The following KIAA1328 variants were observed in gnomAD, a reference collection of about 807,000 sequenced individuals.
KIAA1328 encodes the protein KIAA1328, also known as protein hinderin.
A neutral mutation model predicts 68.1 loss-of-function variants in KIAA1328; 52 were observed. The ratio of observed to expected loss-of-function variants is 0.76; its 90% CI spans 0.61 to 0.96. The LOEUF is 0.96. KIAA1328 is among the 40% of genes least tolerant of loss of function. The pLI is 0.00. For missense variants in KIAA1328, 641 were observed against 677.6 expected, an observed-to-expected ratio of 0.95 and a Z score of 0.60; for synonymous variants, 232 against 239.4, an observed-to-expected ratio of 0.97 and a Z score of 0.28.
chr18:37,155,766 G>C (rs1349175623), intron 7 of KIAA1328, among the ~76,000 whole-genome samples: 1 of 152,166 alleles, frequency 6.6e-6, no homozygotes, highest in South Asian at 2.1e-4. Context: ...GACCTGCCCT[G>C]TCTTACCTGC....
intron 6 of KIAA1328, among the ~76,000 whole-genome samples, chr18:37,056,401 C>T (rs575159026): frequency 6.6e-5 from 10 of 151,640 alleles, no homozygotes; most frequent in African/African-American, 2.4e-4. Flanking sequence ...GTATCCAAAC[C>T]AAGTCTCTCA....
intron 7 of KIAA1328, among the ~76,000 whole-genome samples, chr18:37,105,916 C>CAAAAAAAAAAAAAAAAAAAAAAAAAAAAA (rs58940699): frequency 5.1e-5 from 1 of 19,502 alleles, no homozygotes; most frequent in African/African-American, 1.2e-4. Flanking sequence ...GACTCTGTGT[C>CAAAAAAAAAAAAAAAAAAAAAAAAAAAAA]AAAAAAAAAA....
intron 9 of KIAA1328, among the ~76,000 whole-genome samples, chr18:37,206,619 C>T (rs1015205616): frequency 1.3e-4 from 20 of 152,084 alleles, no homozygotes; most frequent in African/African-American, 4.6e-4. Context: ...TAAAAGGCCT[C>T]GTTTGACTAG....
chr18:37,006,402 A>G (rs1486957809), intron 6 of KIAA1328, among the ~76,000 whole-genome samples: 1 of 152,152 alleles, frequency 6.6e-6, no homozygotes, highest in Non-Finnish European at 1.5e-5. Flanking sequence ...AGCTTTCTAA[A>G]ATGCGTCAGA....
At chr18:37,010,683 A>G (rs2053950237) in intron 6 of KIAA1328, among the ~76,000 whole-genome samples, 1 of 152,070 alleles carries the variant, frequency 6.6e-6, no homozygotes, top group African/African-American at 2.4e-5. Flanking sequence ...GAAGAATAAG[A>G]GTTAATGTGT....
rs563854810 is a variant in KIAA1328, at chr18:36,887,670, G to T, written c.448+1998G>T. On this transcript the variant is annotated intron_variant, in intron 5 of 9. Transcript: ENST00000280020. ...TGATGTGGCCATGGTAGGCTGCAAA[G>T]GAGGCTAAGAAAGTGAGCATTTAGC... 4.8e-4 allele frequency among the ~76,000 whole-genome samples: 73 copies of T among 152,300 alleles called. 1 individual carries two copies. In the South Asian group the frequency reaches 0.015, roughly 30 times the overall value.
At chr18:36,840,147 C>T (rs2046810645) in intron 3 of KIAA1328, among the ~76,000 whole-genome samples, 3 of 152,182 alleles carry the variant, frequency 2.0e-5, no homozygotes, top group Admixed American at 2.0e-4. Flanking sequence ...CCTACCTTAG[C>T]CCTGAAAACT....
intron 5 of KIAA1328, among the ~76,000 whole-genome samples, chr18:36,895,604 C>CT (rs945557667): frequency 1.3e-5 from 2 of 152,106 alleles, no homozygotes; most frequent in Non-Finnish European, 2.9e-5. Context: ...AGAGATGGTG[C>CT]TTTTCAGCCC....
At chr18:37,075,859 CT>C (rs1296815784) in intron 7 of KIAA1328, among the ~76,000 whole-genome samples, 2 of 152,180 alleles carry the variant, frequency 1.3e-5, no homozygotes, top group African/African-American at 4.8e-5. Context: ...TACAAAGAGA[CT>C]TAGACTCCCA....
chr18:36,919,595 G>T (rs1316365687), intron 5 of KIAA1328, among the ~76,000 whole-genome samples: 1 of 152,172 alleles, frequency 6.6e-6, no homozygotes, highest in Non-Finnish European at 1.5e-5. Flanking sequence ...CCAGTAATGG[G>T]ATTGCTGGGT....
At chr18:37,054,062 A>G (rs757499012) in intron 6 of KIAA1328, among the ~76,000 whole-genome samples, 28 of 152,196 alleles carry the variant, frequency 1.8e-4, no homozygotes, top group Non-Finnish European at 4.0e-4. Flanking sequence ...AATGCTCAAC[A>G]TCACCAGTCA....
chr18:37,001,144 G>C (rs1270365024), intron 6 of KIAA1328, among the ~76,000 whole-genome samples: 1 of 151,800 alleles, frequency 6.6e-6, no homozygotes, highest in Non-Finnish European at 1.5e-5. Context: ...ACTAAGAAAA[G>C]ATGAGAGAAG....
At chr18:37,094,845 T>TAAA (rs2057360460) in intron 7 of KIAA1328, among the ~76,000 whole-genome samples, 1 of 151,696 alleles carries the variant, frequency 6.6e-6, no homozygotes, top group Non-Finnish European at 1.5e-5. Context: ...ACTTCACCTG[T>TAAA]AAAGACACAG....
chr18:36,932,856 A>G (rs2050361867), intron 5 of KIAA1328, among the ~76,000 whole-genome samples: 1 of 152,238 alleles, frequency 6.6e-6, no homozygotes, highest in African/African-American at 2.4e-5. Flanking sequence ...CTGTTTATAT[A>G]TTAGTAAACA....
chr18:36,950,047 C>G (rs2151222616), intron 5 of KIAA1328, among the ~76,000 whole-genome samples: 1 of 152,286 alleles, frequency 6.6e-6, no homozygotes, highest in South Asian at 2.1e-4. Flanking sequence ...ATCTTGGAAT[C>G]ACTTTTTCTT....
intron 7 of KIAA1328, among the ~76,000 whole-genome samples, chr18:37,136,697 C>T (rs1395541223): frequency 2.0e-5 from 3 of 152,192 alleles, no homozygotes; most frequent in Admixed American, 6.5e-5. Context: ...GGACAATCTT[C>T]GTACTTTGGT....
intron 4 of KIAA1328, among the ~76,000 whole-genome samples, chr18:36,855,411 G>C (rs769717982): frequency 6.6e-6 from 1 of 152,056 alleles, no homozygotes; most frequent in East Asian, 1.9e-4. Flanking sequence ...TGTTTATGTT[G>C]AGGGTCTTTT....
At chr18:37,110,824 C>T (rs918936802) in intron 7 of KIAA1328, among the ~76,000 whole-genome samples, 4 of 151,946 alleles carry the variant, frequency 2.6e-5, no homozygotes, top group Non-Finnish European at 4.4e-5. Flanking sequence ...AGGTGGTTGC[C>T]GTCTCAGAAG....
intron 4 of KIAA1328, among the ~76,000 whole-genome samples, chr18:36,863,577 G>A (rs1053737620): frequency 6.6e-6 from 1 of 152,080 alleles, no homozygotes; most frequent in Admixed American, 6.5e-5. Flanking sequence ...ATTAATAGGT[G>A]TTACATTAAA....
Sources: gnomAD v4.1 joint callset for allele counts (sites outside exome capture counted in the v4.1 genomes callset) on GRCh38, gnomAD v4.1.1 for gene constraint, MANE v1.5 for transcripts, NCBI Gene and HGNC (gene_info 2026-07-23, HGNC 2026-07-21) for gene names.